RABL3: variants seen among roughly 807,000 people sequenced by gnomAD.
The protein encoded by RABL3 is RAB, member of RAS oncogene family like 3.
RABL3 carries 31 observed loss-of-function variants against 31.8 expected under a neutral mutation model. The ratio of observed to expected loss-of-function variants is 0.97; its 90% CI spans 0.73 to 1.31. RABL3 has a LOEUF of 1.31. Among genes scored for constraint, RABL3 ranks in the 40% most tolerant of loss-of-function variants. The pLI is 0.00. For synonymous variants in RABL3, 97 were observed against 99.9 expected, an observed-to-expected ratio of 0.97 and a Z score of 0.18; for missense variants, 263 against 279.6, an observed-to-expected ratio of 0.94 and a Z score of 0.42.
chr3:120,737,044 T>C (rs984320668), intron 1 of RABL3, among the ~76,000 whole-genome samples: 2 of 152,232 alleles, frequency 1.3e-5, no homozygotes, highest in Admixed American at 1.3e-4. Flanking sequence ...TGGCGTTCTC[T>C]GTATTTCCTG....
At chr3:120,702,229 TA>T (rs1237188296) in intron 4 of RABL3, among the ~76,000 whole-genome samples, 1 of 152,192 alleles carries the variant, frequency 6.6e-6, no homozygotes, top group Non-Finnish European at 1.5e-5. Flanking sequence ...ACCTTTTTGG[TA>T]CCAGAGACTA....
intron 1 of RABL3, among the ~76,000 whole-genome samples, chr3:120,741,902 C>T (rs953020991): frequency 6.6e-6 from 1 of 152,174 alleles, no homozygotes; most frequent in Non-Finnish European, 1.5e-5. Flanking sequence ...CGTTTAAGTT[C>T]GTGGACTCCG....
Position 120,691,356 on chromosome 3 carries a change from C to T in RABL3, c.607-869G>A, listed in dbSNP as rs552175863. Among the ~76,000 whole-genome samples the T allele has an allele frequency of 1.1e-4, 16 of 152,190 alleles. No individual in the cohort carries two copies. The South Asian group carries it at 1.9e-3, about 18-fold the overall frequency. On this transcript the variant is annotated intron_variant, in intron 6 of 7. Coordinates refer to ENST00000273375, the MANE Select transcript of RABL3 (RefSeq NM_173825.5). Reference sequence around the variant, plus strand: ...TCTCTGATTTAGGATGGCTTGACTACGATTTTTTGACTTTATGGTGGTGTG... The same window carrying T: ...TCTCTGATTTAGGATGGCTTGACTATGATTTTTTGACTTTATGGTGGTGTG...
chr3:120,722,438 G>T (rs1708756692), intron 2 of RABL3: 1 of 152,092 alleles, frequency 6.6e-6, no homozygotes, highest in South Asian at 2.1e-4. Flanking sequence ...TAAGTTACAG[G>T]TTAAGTCCCA....
chr3:120,697,852 T>C (rs952006587), intron 5 of RABL3, among the ~76,000 whole-genome samples: 5 of 152,156 alleles, frequency 3.3e-5, no homozygotes, highest in African/African-American at 1.2e-4. Flanking sequence ...TTTGGTGTGA[T>C]TTTAAAAACC....
intron 2 of RABL3, among the ~76,000 whole-genome samples, chr3:120,719,559 T>A (rs1331554602): frequency 6.6e-6 from 1 of 152,208 alleles, no homozygotes; most frequent in East Asian, 1.9e-4. Context: ...TGTATCTCGC[T>A]CCTGGCTCGA....
chr3:120,738,583 G>C (rs1559825785), intron 1 of RABL3: 1 of 153,106 alleles, frequency 6.5e-6, no homozygotes. Flanking sequence ...GGGAGCTGTA[G>C]ACTGGAGCTG....
At chr3:120,713,414 CAT>C (rs1264423205) in intron 2 of RABL3, among the ~76,000 whole-genome samples, 2 of 152,218 alleles carry the variant, frequency 1.3e-5, no homozygotes, top group Non-Finnish European at 2.9e-5. Flanking sequence ...ACATCTTTCA[CAT>C]GTGTGAGTAA....
intron 1 of RABL3, among the ~76,000 whole-genome samples, chr3:120,731,437 C>T (rs1708881113): frequency 6.6e-6 from 1 of 152,214 alleles, no homozygotes; most frequent in Non-Finnish European, 1.5e-5. Flanking sequence ...TCTACTACCT[C>T]TTCTACATCA....
chr3:120,720,701 A>G (rs1169435106), intron 2 of RABL3, among the ~76,000 whole-genome samples: 1 of 152,258 alleles, frequency 6.6e-6, no homozygotes, highest in African/African-American at 2.4e-5. Context: ...GACCAAATCT[A>G]TGTCTGACTG....
At chr3:120,709,723 C>T (rs969370682) in intron 3 of RABL3, 57 bp downstream of exon 3, 3 of 1,293,140 alleles carry the variant, frequency 2.3e-6, no homozygotes, top group Admixed American at 2.1e-5. Flanking sequence ...CATTACATAT[C>T]AGATGATCTA....
intron 4 of RABL3, among the ~76,000 whole-genome samples, chr3:120,702,580 C>T (rs745648101): frequency 3.0e-4 from 44 of 147,600 alleles, no homozygotes; most frequent in Non-Finnish European, 5.8e-4. Context: ...TTTTTTGAGA[C>T]GGAGTCTCAC....
chr3:120,733,916 G>A (rs2107596896), intron 1 of RABL3, among the ~76,000 whole-genome samples: 1 of 152,276 alleles, frequency 6.6e-6, no homozygotes, highest in Non-Finnish European at 1.5e-5. Flanking sequence ...CTATATCTCT[G>A]TTTTGGTACC....
intron 2 of RABL3, among the ~76,000 whole-genome samples, chr3:120,719,934 C>T (rs1211836984): frequency 6.6e-6 from 1 of 152,218 alleles, no homozygotes; most frequent in Non-Finnish European, 1.5e-5. Flanking sequence ...GAGACACCCC[C>T]CAGTAGGGGC....
chr3:120,705,346 T>G (rs1256523669), intron 4 of RABL3, among the ~76,000 whole-genome samples: 1 of 152,134 alleles, frequency 6.6e-6, no homozygotes, highest in African/African-American at 2.4e-5. Context: ...TAAACTATAA[T>G]AGCTAAACAA....
In RABL3 at chr3:120,698,664, CT is replaced by C. The variant is rs1342328473; in HGVS notation, c.384-92del. On this transcript the variant is annotated intron_variant, in intron 4 of 7. Transcript: ENST00000273375. Reference sequence around the variant, plus strand: ...AGTGCAACTAAGTTACACTATTTTACTGAAAATTAACTGATTTTTGCTGCCT... The same window carrying C: ...AGTGCAACTAAGTTACACTATTTTACGAAAATTAACTGATTTTTGCTGCCT... 6.3e-6 allele frequency: 7 copies of C among 1,116,316 alleles called. No individual in the cohort carries two copies. The Admixed American group carries it at 1.6e-4, about 25-fold the overall frequency. 69.2% of individuals were successfully genotyped at this position (1,116,316 alleles called of 1,614,324 possible).
chr3:120,724,300 G>C (rs547322373), intron 2 of RABL3, among the ~76,000 whole-genome samples: 3 of 152,114 alleles, frequency 2.0e-5, no homozygotes, highest in African/African-American at 7.2e-5. Flanking sequence ...AAGTAAAAGA[G>C]GACACAAACA....
intron 2 of RABL3, among the ~76,000 whole-genome samples, chr3:120,720,550 G>A (rs1241890324): frequency 1.3e-5 from 2 of 152,258 alleles, no homozygotes; most frequent in African/African-American, 4.8e-5. Flanking sequence ...ACAAGCCTCA[G>A]TAGTCGATTC....
rs1708325846 is a variant in RABL3, at chr3:120,687,563, C to T, written c.*2260G>A. On this transcript the variant is annotated 3_prime_UTR_variant, in exon 8 of 8. Transcript: ENST00000273375. ...TTGTGCTTCATTCTTTTTTGAATAA[C>T]TCTAGCTAATAACATTCATTTGCGC... The T allele has an allele frequency of 1.3e-5, 2 of 152,164 alleles. No individual in the cohort carries two copies. Among genetic ancestry groups the T allele is most frequent in the Admixed American group, 1.3e-4 (2 of 15,274 alleles). 9.4% of individuals were successfully genotyped at this position (152,164 alleles called of 1,614,324 possible). A position where few individuals can be genotyped will look rare whatever the true frequency, so the allele number is the denominator to read the frequency against.
Sources: allele counts gnomAD v4.1 joint callset (sites outside exome capture counted in the v4.1 genomes callset), GRCh38; gene constraint gnomAD v4.1.1; transcripts MANE v1.5; gene names NCBI Gene and HGNC (gene_info 2026-07-23, HGNC 2026-07-21).